The following RARB variants were observed in gnomAD, a reference collection of about 807,000 sequenced individuals.
The protein encoded by RARB is HBV-activated protein.
RARB carries 17 observed loss-of-function variants against 51.9 expected under a neutral mutation model. The ratio of observed to expected loss-of-function variants is 0.33; its 90% CI spans 0.22 to 0.49. RARB has a LOEUF of 0.49. Ranked by LOEUF, RARB falls within the 20% of genes least tolerant of loss-of-function variation. The pLI is 0.99. For missense variants in RARB, 369 were observed against 550.8 expected, an observed-to-expected ratio of 0.67 and a Z score of 3.30; for synonymous variants, 215 against 195.4, an observed-to-expected ratio of 1.10 and a Z score of -0.84.
chr3:25,053,526 G>A (rs185250485), intron 2 of RARB, among the ~76,000 whole-genome samples: 8 of 152,228 alleles, frequency 5.3e-5, no homozygotes, highest in South Asian at 2.1e-4. Context: ...CATTCCAGCC[G>A]GAACTTTGAA....
chr3:25,579,038 A>C (rs1701063355), intron 4 of RARB, among the ~76,000 whole-genome samples: 1 of 152,246 alleles, frequency 6.6e-6, no homozygotes, highest in Non-Finnish European at 1.5e-5. Flanking sequence ...AAAGTAAAGC[A>C]TCAGTGCCAT....
intron 2 of RARB, among the ~76,000 whole-genome samples, chr3:25,032,561 A>G (rs146260929): frequency 1.7e-3 from 261 of 152,376 alleles, no homozygotes; most frequent in African/African-American, 6.0e-3. Flanking sequence ...AGTGTTCACT[A>G]TAAACAACAC....
intron 5 of RARB, among the ~76,000 whole-genome samples, chr3:25,340,749 T>C (rs771034763): frequency 6.6e-6 from 1 of 152,288 alleles, no homozygotes; most frequent in East Asian, 1.9e-4. Context: ...AAGAAGGAAG[T>C]AGGTCAAAGC....
At chr3:25,424,393 C>T (rs1260793070), upstream of RARB, among the ~76,000 whole-genome samples, 1 of 152,182 alleles carries the variant, frequency 6.6e-6, no homozygotes, top group Non-Finnish European at 1.5e-5. Context: ...ACAAAAGCAG[C>T]TCTGCCTGCT....
chr3:25,375,525 G>T (rs1007307813), intron 5 of RARB, among the ~76,000 whole-genome samples: 15 of 152,212 alleles, frequency 9.9e-5, no homozygotes, highest in African/African-American at 3.6e-4. Context: ...ATCACTATTT[G>T]TTGGGATTGA....
intron 5 of RARB, among the ~76,000 whole-genome samples, chr3:25,357,479 A>G (rs531289033): frequency 8.5e-5 from 13 of 152,116 alleles, no homozygotes; most frequent in Non-Finnish European, 1.9e-4. Flanking sequence ...CACTCTGATG[A>G]TAGTTTCTTT....
chr3:25,152,999 A>C (rs780053759), intron 4 of RARB, among the ~76,000 whole-genome samples: 9 of 152,350 alleles, frequency 5.9e-5, no homozygotes, highest in Admixed American at 2.6e-4. Context: ...AAGGAAAAAA[A>C]GGAACAAACT....
chr3:25,029,270 T>G (rs117611007), intron 2 of RARB, among the ~76,000 whole-genome samples: 1 of 152,204 alleles, frequency 6.6e-6, no homozygotes, highest in Non-Finnish European at 1.5e-5. Flanking sequence ...CCAGGACTTT[T>G]GCTGCTAACA....
chr3:24,902,028 T>C (rs1703619599), intron 2 of RARB, among the ~76,000 whole-genome samples: 1 of 151,448 alleles, frequency 6.6e-6, no homozygotes, highest in Admixed American at 6.6e-5. Flanking sequence ...ATATATAACA[T>C]ATATGAAAAC....
chr3:25,004,194 A>G (rs1020661936), intron 2 of RARB, among the ~76,000 whole-genome samples: 2 of 152,144 alleles, frequency 1.3e-5, no homozygotes, highest in East Asian at 3.9e-4. Context: ...ACTGATAGCC[A>G]TATGTTATTG....
chr3:25,114,231 A>G (rs1699649276), intron 3 of RARB, among the ~76,000 whole-genome samples: 1 of 152,136 alleles, frequency 6.6e-6, no homozygotes, highest in African/African-American at 2.4e-5. Context: ...AAGTATTACC[A>G]TTCAGGAAAC....
At chr3:25,176,015 A>G (rs79046847) in intron 5 of RARB, among the ~76,000 whole-genome samples, 3,233 of 152,282 alleles carry the variant, frequency 0.021, 96 homozygotes, top group African/African-American at 0.073. Context: ...GGAGGTCTAA[A>G]TGATTGATAA....
chr3:25,509,411 T>G (rs909289793), intron 3 of RARB, among the ~76,000 whole-genome samples: 14 of 152,222 alleles, frequency 9.2e-5, no homozygotes, highest in African/African-American at 3.4e-4. Context: ...ACAGCTGTGT[T>G]TTATTATAGC....
At chr3:24,913,388 TTC>T (rs200133236) in intron 2 of RARB, among the ~76,000 whole-genome samples, 24,566 of 136,784 alleles carry the variant, frequency 0.18, 2,582 homozygotes, top group South Asian at 0.26. Context: ...ATAGTCTTCT[TTC>T]TCTCTCTCTC....
intron 5 of RARB, among the ~76,000 whole-genome samples, chr3:25,346,544 C>G (rs1705400743): frequency 6.6e-6 from 1 of 152,074 alleles, no homozygotes; most frequent in African/African-American, 2.4e-5. Context: ...CTCACCAGTC[C>G]CTGGCAATTT....
upstream of RARB, among the ~76,000 whole-genome samples, chr3:25,426,902 C>A (rs1230621372): frequency 3.9e-5 from 6 of 152,156 alleles, no homozygotes; most frequent in Non-Finnish European, 8.8e-5. Context: ...AAAGACTCTT[C>A]TTCCTGTAGG....
At chr3:24,837,940 G>A (rs955477430) in intron 1 of RARB, among the ~76,000 whole-genome samples, 8 of 152,116 alleles carry the variant, frequency 5.3e-5, no homozygotes, top group East Asian at 1.9e-4. Context: ...CACCATTTCC[G>A]TAAGTCAGAA....
intron 4 of RARB, among the ~76,000 whole-genome samples, chr3:25,159,232 C>T (rs1349385906): frequency 2.2e-5 from 3 of 134,254 alleles, no homozygotes; most frequent in Non-Finnish European, 4.6e-5. Context: ...GGCGCGATCT[C>T]GGCTCACCAC....
At chr3:25,496,858 G>A (rs1378849485) in intron 2 of RARB, among the ~76,000 whole-genome samples, 1 of 152,110 alleles carries the variant, frequency 6.6e-6, no homozygotes, top group East Asian at 1.9e-4. Context: ...AGAGTTGGTA[G>A]CAGAAAACCA....
Sources: allele counts gnomAD v4.1 joint callset (sites outside exome capture counted in the v4.1 genomes callset), GRCh38; gene constraint gnomAD v4.1.1; transcripts MANE v1.5; gene names NCBI Gene and HGNC (gene_info 2026-07-23, HGNC 2026-07-21).